BDP1: variants seen among roughly 807,000 people sequenced by gnomAD.
BDP1 encodes BDP1 general transcription factor IIIB subunit.
BDP1 carries 169 observed loss-of-function variants against 266.6 expected under a neutral mutation model. The ratio of observed to expected loss-of-function variants is 0.63; its 90% CI spans 0.56 to 0.72. The LOEUF is 0.72. Ranked by LOEUF, BDP1 falls within the 30% of genes least tolerant of loss-of-function variation. BDP1 has a pLI of 0.00. For missense variants in BDP1, 3,015 were observed against 3,053.8 expected (o/e 0.99, Z 0.30); for synonymous variants, 1,090 against 1,022.4 (o/e 1.07, Z -1.26).
chr5:71,539,755 C>T (rs1041750939), intron 28 of BDP1, 106 bp downstream of exon 28: 2 of 666,920 alleles, frequency 3.0e-6, no homozygotes, highest in South Asian at 2.2e-5. Flanking sequence ...GAAGTTGTCT[C>T]CATTTTGTTG....
chr5:71,516,392 T>C, intron 21 of BDP1, 121 bp downstream of exon 21: 1 of 702,708 alleles, frequency 1.4e-6, no homozygotes, highest in Non-Finnish European at 2.3e-6. Flanking sequence ...GAATACAGTT[T>C]CCAGTTTTGT....
chr5:71,577,810 C>G, the BDP1 span, among the ~76,000 whole-genome samples: 1 of 152,174 alleles, frequency 6.6e-6, no homozygotes, highest in Non-Finnish European at 1.5e-5. Flanking sequence ...TGTTTTGTCT[C>G]TGTCTTCTGT....
At chr5:71,464,451 C>T (rs935493833) in intron 4 of BDP1, among the ~76,000 whole-genome samples, 13 of 152,040 alleles carry the variant, frequency 8.6e-5, no homozygotes, top group Non-Finnish European at 1.5e-4. Flanking sequence ...ACTATGATCA[C>T]GCCACTGCAT....
intron 32 of BDP1, among the ~76,000 whole-genome samples, chr5:71,547,294 T>G (rs979456491): frequency 6.6e-5 from 10 of 152,196 alleles, no homozygotes; most frequent in African/African-American, 2.4e-4. Flanking sequence ...CAAGAGAAGT[T>G]TAGACCAGTC....
chr5:71,473,079 T>C (rs1205232185), intron 7 of BDP1, among the ~76,000 whole-genome samples: 8 of 151,312 alleles, frequency 5.3e-5, no homozygotes, highest in Non-Finnish European at 1.2e-4. Flanking sequence ...GAGACTGGCT[T>C]TTGCCATGTT....
rs1293311912 is a variant in BDP1, at chr5:71,495,208, A to G, written c.1641-42A>G. 6 of 1,248,310 alleles carry G rather than the reference A, an allele frequency of 4.8e-6. No individual in the cohort carries two copies. In the African/African-American group the frequency reaches 6.1e-5, roughly 13 times the overall value. 77.3% of individuals were successfully genotyped at this position (1,248,310 alleles called of 1,614,324 possible). On this transcript the variant is annotated intron_variant, in intron 11 of 38. Coordinates refer to ENST00000358731, the MANE Select transcript of BDP1 (RefSeq NM_018429.3). ...TAAAAATAATTATAAAATATATATC[A>G]TTAGGAATTCTTTTCTCTCTGAAAT... is the stretch of plus-strand genomic sequence containing the variant.
In BDP1 at chr5:71,553,186, A is replaced by G. The variant is rs777677397; in HGVS notation, c.7066A>G (p.Lys2356Glu). Residue 2356 changes from lysine (K) to glutamate (E), a missense_variant, in exon 35 of 39, where the codon AAA (lysine) becomes GAA (glutamate). This residue lies in a region of BDP1 where 629 missense variants were observed against 632.5 expected (regional missense o/e 0.99). Transcript: ENST00000358731. ...ATCTATTTCTGGAAGAGATAATTCTAAAAAGCCGCCTGATAATTTGGATCT... is the reference window on the plus strand; with the variant it reads ...ATCTATTTCTGGAAGAGATAATTCTGAAAAGCCGCCTGATAATTTGGATCT... ...GLSISGRDNS[K>E]KPPDNLDLVS... 3.7e-6 allele frequency: 6 copies of G among 1,613,354 alleles called. No individual in the cohort carries two copies. The highest frequency in any genetic ancestry group is 5.1e-6 in the Non-Finnish European group (6 of 1,179,920).
At chr5:71,519,316 G>A (rs1001795883) in intron 22 of BDP1, among the ~76,000 whole-genome samples, 15 of 151,996 alleles carry the variant, frequency 9.9e-5, no homozygotes, top group East Asian at 7.7e-4. Flanking sequence ...TCTTTATATT[G>A]GCAACATAAT....
At chr5:71,491,668 T>A (rs1226472008) in intron 11 of BDP1, among the ~76,000 whole-genome samples, 1 of 152,164 alleles carries the variant, frequency 6.6e-6, no homozygotes, top group East Asian at 1.9e-4. Flanking sequence ...CAACTCCTAT[T>A]TCCTCCGCCT....
chr5:71,506,935 C>T (rs143700725), intron 16 of BDP1, among the ~76,000 whole-genome samples: 2,656 of 151,998 alleles, frequency 0.017, 30 homozygotes, highest in Non-Finnish European at 0.028. Flanking sequence ...ATCCTCTTGC[C>T]TCAGCCTCCC....
chr5:71,458,797 G>T lies in BDP1; in HGVS notation c.431G>T (p.Arg144Leu), dbSNP rs757987230. ...AAACAGCCATGCTCAGACAGATACC[G>T]AATATACAAAGCCCAGAAACTGAGG... ...KEKQPCSDRY[R>L]IYKAQKLREM... The change falls in exon 2 of 39, where the codon CGA (arginine) becomes CTA (leucine). Residue 144 changes from arginine to leucine, a missense_variant. Physicochemically the swap from Arg to Leu is moderately radical, Grantham distance 102 (BLOSUM62 -2). Around this residue, in one of 3 missense-constraint regions of BDP1, gnomAD observed 2,383 missense variants for 2,404.9 expected, o/e 0.99. Coordinates refer to ENST00000358731, the MANE Select transcript of BDP1 (RefSeq NM_018429.3). The T allele has an allele frequency of 4.3e-6, 7 of 1,614,002 alleles. No individual in the cohort carries two copies. Among genetic ancestry groups the T allele is most frequent in the Non-Finnish European group, 5.1e-6 (6 of 1,179,990 alleles).
intron 32 of BDP1, among the ~76,000 whole-genome samples, chr5:71,547,677 G>A (rs973942254): frequency 1.3e-5 from 2 of 152,180 alleles, no homozygotes. Flanking sequence ...CAGGCCAGGC[G>A]CAGTGGCTCA....
intron 30 of BDP1, among the ~76,000 whole-genome samples, chr5:71,543,825 G>A (rs1561772995): frequency 1.3e-5 from 2 of 152,224 alleles, no homozygotes; most frequent in South Asian, 4.2e-4. Flanking sequence ...ATGATACTTT[G>A]TATGGGTCCC....
chr5:71,545,555 G>C, intron 32 of BDP1: 1 of 265,688 alleles, frequency 3.8e-6, no homozygotes, highest in South Asian at 5.5e-5. Context: ...GGTCTTGAAC[G>C]CCTGGCTTCA....
rs1012849056 is a variant in BDP1 at position 71,486,630 on chromosome 5, A to T, written c.1213+3A>T. ...CAAACCACGGAAAAATGTAAAAGGT[A>T]TTGATTTTAAAAGGAAGTGTGATAG... On this transcript the variant is annotated splice_donor_region_variant and intron_variant, in intron 9 of 38. Transcript: ENST00000358731. The T allele has an allele frequency of 6.6e-7, 1 of 1,511,492 alleles. No individual in the cohort carries two copies. The highest frequency in any genetic ancestry group is 8.8e-7 in the Non-Finnish European group (1 of 1,142,726). 93.6% of individuals were successfully genotyped at this position (1,511,492 alleles called of 1,614,324 possible). A position where few individuals can be genotyped will look rare whatever the true frequency, so the allele number is the denominator to read the frequency against.
rs571703909 is a variant in BDP1 at position 71,553,957 on chromosome 5, G to A, written c.7200+637G>A. On this transcript the variant is annotated intron_variant, in intron 35 of 38. Transcript: ENST00000358731. ...GTTCAGTCATCAGTGCCTCAGGGAA[G>A]TCCGGCCAGACCATGCGAATTCAGT... is the stretch of plus-strand genomic sequence containing the variant. 3.3e-5 allele frequency among the ~76,000 whole-genome samples: 5 copies of A among 152,320 alleles called. No homozygotes were observed. The South Asian group carries it at 1.0e-3, about 32-fold the overall frequency.
the BDP1 span, among the ~76,000 whole-genome samples, chr5:71,572,894 A>C: frequency 6.6e-6 from 1 of 152,182 alleles, no homozygotes; most frequent in South Asian, 2.1e-4. Flanking sequence ...GAGTCTAAAA[A>C]TCTGAAAGAA....
intron 32 of BDP1, among the ~76,000 whole-genome samples, chr5:71,547,688 C>T (rs1448651101): frequency 2.0e-5 from 3 of 152,184 alleles, no homozygotes; most frequent in Non-Finnish European, 4.4e-5. Context: ...CAGTGGCTCA[C>T]ACCTGTATTC....
chr5:71,518,042 C>A (rs2150495641), intron 22 of BDP1, among the ~76,000 whole-genome samples: 1 of 152,254 alleles, frequency 6.6e-6, no homozygotes, highest in Non-Finnish European at 1.5e-5. Flanking sequence ...AGAATGATAT[C>A]TTTTAATTGA....
Sources: allele counts gnomAD v4.1 joint callset (sites outside exome capture counted in the v4.1 genomes callset), GRCh38; gene constraint gnomAD v4.1.1; regional missense constraint gnomAD v4.1.1; transcripts MANE v1.5; gene names NCBI Gene and HGNC (gene_info 2026-07-23, HGNC 2026-07-21).